HOMER2: variants seen among roughly 807,000 people sequenced by gnomAD.
HOMER2 encodes homer protein homolog 2.
A neutral mutation model predicts 47.0 loss-of-function variants in HOMER2; 27 were observed. The ratio of observed to expected loss-of-function variants is 0.57; its 90% CI spans 0.42 to 0.79. The LOEUF (loss-of-function observed/expected upper bound fraction) is 0.79, where lower values mean the gene tolerates loss of function less well. Among genes scored for constraint, HOMER2 ranks in the 30% least tolerant of loss-of-function variants. The pLI is 0.00. For missense variants in HOMER2, 443 were observed against 435.0 expected, an observed-to-expected ratio of 1.02 and a Z score of -0.16; for synonymous variants, 161 against 163.8, an observed-to-expected ratio of 0.98 and a Z score of 0.13.
intron 1 of HOMER2, among the ~76,000 whole-genome samples, chr15:82,952,258 C>G (rs2054521792): frequency 6.6e-6 from 1 of 152,260 alleles, no homozygotes. Flanking sequence ...GGGCACCGGT[C>G]CCCGTCAGGT....
intron 1 of HOMER2, among the ~76,000 whole-genome samples, chr15:82,962,643 C>A (rs915610338): frequency 2.6e-5 from 4 of 152,130 alleles, no homozygotes; most frequent in African/African-American, 9.7e-5. Context: ...TGCTATTGCA[C>A]TCCAGCCTGG....
intron 2 of HOMER2, among the ~76,000 whole-genome samples, chr15:82,880,813 C>T (rs1193907334): frequency 6.6e-6 from 1 of 152,060 alleles, no homozygotes. Context: ...AAGAGAGGCC[C>T]AGGGCAGAAG....
intron 3 of HOMER2, among the ~76,000 whole-genome samples, chr15:82,874,466 G>C (rs1316892328): frequency 1.3e-5 from 2 of 152,194 alleles, no homozygotes; most frequent in Non-Finnish European, 2.9e-5. Flanking sequence ...AAACTGCTGA[G>C]TAAGGCCTCT....
chr15:82,874,908 C>T (rs562340556), intron 3 of HOMER2, among the ~76,000 whole-genome samples: 4 of 152,196 alleles, frequency 2.6e-5, no homozygotes, highest in Admixed American at 2.0e-4. Flanking sequence ...TCACCTAATC[C>T]TCAGAGTCCT....
At chr15:82,843,514 A>T (rs1295742205) in exon 2 of HOMER2, 1 of 148,594 alleles carries the variant, frequency 6.7e-6, no homozygotes, top group Non-Finnish European at 1.5e-5. Flanking sequence ...ATAGGTAGCA[A>T]CCATTAAAAA....
chr15:82,867,279 A>G (rs1387852836), intron 3 of HOMER2, among the ~76,000 whole-genome samples: 15 of 152,040 alleles, frequency 9.9e-5, no homozygotes, highest in Admixed American at 9.2e-4. Context: ...GTGGGTGGAT[A>G]ATTTTCTAAA....
At chr15:82,932,402 G>A (rs1031600788) in intron 1 of HOMER2, among the ~76,000 whole-genome samples, 3 of 152,000 alleles carry the variant, frequency 2.0e-5, no homozygotes, top group African/African-American at 7.3e-5. Context: ...GGCTCAGGCA[G>A]GAGAATCGCT....
intron 1 of HOMER2, among the ~76,000 whole-genome samples, chr15:82,979,634 A>T (rs2030323997): frequency 1.3e-5 from 2 of 152,242 alleles, no homozygotes; most frequent in South Asian, 4.2e-4. Flanking sequence ...GAACAAACAG[A>T]AGAGAAAGTT....
rs547094287 is a variant in HOMER2, at chr15:82,936,747, A to AT, written c.5+15783dup. ...GCCACCATGCCTAGCTAATTTTTGT[A>AT]TTTTTTTTTTTTTGAGATGGGGTTT... On this transcript the variant is annotated intron_variant, in intron 1 of 8. Transcript: ENST00000450735. Among the ~76,000 whole-genome samples, 638 of 142,782 alleles carry AT rather than the reference A, an allele frequency of 4.5e-3. 1 individual carries two copies. Among genetic ancestry groups the AT allele is most frequent in the East Asian group, 9.2e-3 (45 of 4,880 alleles). 93.7% of individuals were successfully genotyped at this position (142,782 alleles called of 152,430 possible).
At chr15:82,896,892 G>A (rs763491657) in intron 1 of HOMER2, among the ~76,000 whole-genome samples, 2 of 152,082 alleles carry the variant, frequency 1.3e-5, no homozygotes, top group African/African-American at 2.4e-5. Context: ...AGAAAAGCTC[G>A]TAGCTGACCT....
chr15:82,852,598 A>G (rs961689091), intron 6 of HOMER2: 2 of 228,916 alleles, frequency 8.7e-6, no homozygotes, highest in Non-Finnish European at 1.7e-5. Context: ...ATCACAAGCA[A>G]GGGCCAAGTG....
chr15:82,935,845 C>T (rs900569590), intron 1 of HOMER2, among the ~76,000 whole-genome samples: 1 of 152,196 alleles, frequency 6.6e-6, no homozygotes, highest in African/African-American at 2.4e-5. Flanking sequence ...GACCTGGAGA[C>T]CTTCGATGGG....
At chr15:82,844,681 G>A (rs2051215437), downstream of HOMER2, 1 of 152,024 alleles carries the variant, frequency 6.6e-6, no homozygotes, top group African/African-American at 2.4e-5. Context: ...TATTATTTAT[G>A]TACCAAGAAA....
intron 3 of HOMER2, among the ~76,000 whole-genome samples, chr15:82,869,704 C>G (rs535704956): frequency 6.6e-6 from 1 of 152,058 alleles, no homozygotes; most frequent in African/African-American, 2.4e-5. Context: ...GTGATCCACC[C>G]GCCTGGGTCT....
chr15:82,879,445 C>T (rs967877804), intron 2 of HOMER2, among the ~76,000 whole-genome samples: 13 of 152,024 alleles, frequency 8.6e-5, no homozygotes, highest in Non-Finnish European at 2.9e-5. Flanking sequence ...TGCAGTGAGC[C>T]GTGATCGTGC....
intron 1 of HOMER2, among the ~76,000 whole-genome samples, chr15:82,902,260 C>T (rs1467012358): frequency 6.9e-6 from 1 of 145,110 alleles, no homozygotes; most frequent in African/African-American, 2.6e-5. Flanking sequence ...TGCAGTGGTG[C>T]AATCTCGGCT....
downstream of HOMER2, chr15:82,844,090 A>G (rs2051207112): frequency 1.3e-5 from 2 of 152,248 alleles, no homozygotes; most frequent in Admixed American, 1.3e-4. Flanking sequence ...GAAGGCAGAC[A>G]CTGCGGAACT....
intron 4 of HOMER2, among the ~76,000 whole-genome samples, chr15:82,863,232 A>G (rs1027055850): frequency 2.4e-4 from 37 of 151,910 alleles, no homozygotes; most frequent in Non-Finnish European, 5.9e-5. Flanking sequence ...TCTCCTTCAC[A>G]GCCCCCTCGA....
At chr15:82,940,481 C>T (rs942826027) in intron 1 of HOMER2, among the ~76,000 whole-genome samples, 45 of 152,306 alleles carry the variant, frequency 3.0e-4, no homozygotes, top group South Asian at 6.2e-4. Context: ...TGGTGGGTCA[C>T]GCCTGTAATC....
Sources: gnomAD v4.1 joint callset for allele counts (sites outside exome capture counted in the v4.1 genomes callset) on GRCh38, gnomAD v4.1.1 for gene constraint, MANE v1.5 for transcripts, NCBI Gene and HGNC (gene_info 2026-07-23, HGNC 2026-07-21) for gene names.